CFTR: variants seen among roughly 807,000 people sequenced by gnomAD.
CFTR encodes the protein CF transmembrane conductance regulator.
In CFTR, 181 loss-of-function variants were observed where a neutral mutation model predicts 171.6. The ratio of observed to expected loss-of-function variants is 1.05; its 90% CI spans 0.93 to 1.19. The LOEUF (loss-of-function observed/expected upper bound fraction) is 1.19. Among genes scored for constraint, CFTR ranks in the 50% most tolerant of loss-of-function variants. The probability of loss-of-function intolerance (pLI) is 0.00; values close to 1 mark genes in which losing one functional copy is unlikely to be tolerated. For missense variants in CFTR, 1,968 were observed against 1,734.7 expected (o/e 1.13, Z -2.39); for synonymous variants, 583 against 608.0 (o/e 0.96, Z 0.60).
intron 10 of CFTR, among the ~76,000 whole-genome samples, chr7:117,555,158 A>G (rs1799331606): frequency 6.6e-6 from 1 of 152,326 alleles, no homozygotes; most frequent in South Asian, 2.1e-4. Flanking sequence ...AAGATATGCC[A>G]TGAATGCATA....
chr7:117,537,880 T>C (rs926025189), intron 7 of CFTR, among the ~76,000 whole-genome samples: 1 of 152,182 alleles, frequency 6.6e-6, no homozygotes, highest in African/African-American at 2.4e-5. Context: ...ACACTTGCTC[T>C]CTGCATTACT....
In CFTR at chr7:117,592,133, G is replaced by C. The variant is rs397508323; in HGVS notation, c.1966G>C (p.Glu656Gln). 2 of 1,614,002 alleles carry C rather than the reference G, an allele frequency of 1.2e-6. No homozygotes were observed. Among genetic ancestry groups the C allele is most frequent in the East Asian group, 4.5e-5 (2 of 44,872 alleles). ...GCDSFDQFSAERRNSILTETL... is the reference protein window; with the variant it reads ...GCDSFDQFSAQRRNSILTETL... ...TGATTCTTTCGACCAATTTAGTGCAGAAAGAAGAAATTCAATCCTAACTGA... is the reference window on the plus strand; with the variant it reads ...TGATTCTTTCGACCAATTTAGTGCACAAAGAAGAAATTCAATCCTAACTGA... The change falls in exon 14 of 27, where the codon GAA becomes CAA. Residue 656 changes from glutamate to glutamine, a missense_variant. Coordinates refer to ENST00000003084, the MANE Select transcript of CFTR (RefSeq NM_000492.4).
intron 8 of CFTR, among the ~76,000 whole-genome samples, chr7:117,541,614 C>A (rs1016026746): frequency 1.3e-5 from 2 of 151,298 alleles, no homozygotes; most frequent in African/African-American, 4.9e-5. Flanking sequence ...TAATGAGGCC[C>A]TTAATAAGGA....
intron 10 of CFTR, among the ~76,000 whole-genome samples, chr7:117,550,499 T>A (rs1009702367): frequency 6.6e-6 from 1 of 152,182 alleles, no homozygotes; most frequent in Non-Finnish European, 1.5e-5. Context: ...TTCTTTTATA[T>A]CTTGTATATT....
chr7:117,507,897 A>G (rs547132300), intron 2 of CFTR, among the ~76,000 whole-genome samples: 6 of 152,090 alleles, frequency 3.9e-5, no homozygotes, highest in Non-Finnish European at 7.4e-5. Flanking sequence ...GTTCAAGCGA[A>G]TCTCAGTCTC....
chr7:117,519,332 G>A (rs1489499520), intron 3 of CFTR, among the ~76,000 whole-genome samples: 7 of 151,922 alleles, frequency 4.6e-5, no homozygotes, highest in Non-Finnish European at 1.0e-4. Flanking sequence ...ATTTGTATGA[G>A]CCCAAAAACT....
chr7:117,576,032 A>G (rs898151849), intron 11 of CFTR, among the ~76,000 whole-genome samples: 1 of 152,034 alleles, frequency 6.6e-6, no homozygotes, highest in African/African-American at 2.4e-5. Flanking sequence ...ATATTGCCAA[A>G]AGTTTGAAAG....
At chr7:117,663,511 A>T (rs992823463) in intron 24 of CFTR, among the ~76,000 whole-genome samples, 3 of 50,970 alleles carry the variant, frequency 5.9e-5, no homozygotes, top group African/African-American at 4.0e-4. Context: ...TGTCCAGCTA[A>T]AAAAAAAAAA....
At chr7:117,587,908 C>A in intron 12 of CFTR, 75 bp downstream of exon 12, 1 of 905,216 alleles carries the variant, frequency 1.1e-6, no homozygotes, top group Admixed American at 1.8e-5. Flanking sequence ...AGACATTTCT[C>A]TATTGCTTTA....
chr7:117,628,876 G>A (rs1438530354), intron 22 of CFTR, among the ~76,000 whole-genome samples: 2 of 151,892 alleles, frequency 1.3e-5, no homozygotes, highest in African/African-American at 4.8e-5. Context: ...TCCTGGGGTC[G>A]CCAAGATGAA....
intron 1 of CFTR, among the ~76,000 whole-genome samples, chr7:117,496,738 G>C (rs1040657845): frequency 6.6e-6 from 1 of 152,030 alleles, no homozygotes; most frequent in Non-Finnish European, 1.5e-5. Flanking sequence ...TTAATATTTT[G>C]AGGATTTTTC....
At chr7:117,541,974 A>G (rs1799059617) in intron 8 of CFTR, 42 bp from the exon 9 acceptor site, 7 of 950,302 alleles carry the variant, frequency 7.4e-6, no homozygotes, top group Non-Finnish European at 1.2e-5. Flanking sequence ...CATTAATGCT[A>G]TTCTGATTCT....
chr7:117,635,556 G>A (rs2116148594), intron 22 of CFTR, among the ~76,000 whole-genome samples: 1 of 151,792 alleles, frequency 6.6e-6, no homozygotes, highest in Admixed American at 6.6e-5. Context: ...TTTCCATTGT[G>A]GTTTTAATCG....
At chr7:117,597,472 T>C (rs1299444938) in intron 15 of CFTR, among the ~76,000 whole-genome samples, 1 of 152,116 alleles carries the variant, frequency 6.6e-6, no homozygotes, top group Admixed American at 6.5e-5. Context: ...GGGCCACACA[T>C]AAAATACACT....
At chr7:117,563,790 A>G (rs908620774) in intron 11 of CFTR, among the ~76,000 whole-genome samples, 1 of 152,194 alleles carries the variant, frequency 6.6e-6, no homozygotes, top group African/African-American at 2.4e-5. Context: ...CTAAGTGTCA[A>G]ATAAAACATT....
chr7:117,587,625 A>C, intron 11 of CFTR, 114 bp from the exon 12 acceptor site: 1 of 671,742 alleles, frequency 1.5e-6, no homozygotes, highest in Non-Finnish European at 2.7e-6. Context: ...CAAAATTTCA[A>C]CTGTGGTTAA....
Position 117,667,159 on chromosome 7 carries a change from G to T in CFTR, c.*51G>T. 6.6e-7 allele frequency: 1 copy of T among 1,514,112 alleles called. No homozygotes were observed. Among genetic ancestry groups the T allele is most frequent in the Non-Finnish European group, 9.1e-7 (1 of 1,094,468 alleles). The allele number at this position is 1,514,112 out of a possible 1,614,324, so 93.8% of individuals were successfully genotyped here. On this transcript the variant is annotated 3_prime_UTR_variant, in exon 27 of 27. Coordinates refer to ENST00000003084, the MANE Select transcript of CFTR (RefSeq NM_000492.4). ...ACATTTGCTCATGGAATTGGAGCTCGTGGGACAGTCACCTCATGGAATTGG... is the reference window on the plus strand; with the variant it reads ...ACATTTGCTCATGGAATTGGAGCTCTTGGGACAGTCACCTCATGGAATTGG...
chr7:117,661,064 A>G (rs1490391656), intron 24 of CFTR, among the ~76,000 whole-genome samples: 2 of 152,228 alleles, frequency 1.3e-5, no homozygotes, highest in Non-Finnish European at 1.5e-5. Context: ...ATAACTTTGT[A>G]CTTTTCAAAA....
chr7:117,488,727 A>G (rs993812210), intron 1 of CFTR, among the ~76,000 whole-genome samples: 2 of 152,130 alleles, frequency 1.3e-5, no homozygotes, highest in African/African-American at 4.8e-5. Flanking sequence ...ATAAATACAA[A>G]GAAACAGTTA....
Sources: allele counts gnomAD v4.1 joint callset (sites outside exome capture counted in the v4.1 genomes callset), GRCh38; gene constraint gnomAD v4.1.1; transcripts MANE v1.5; gene names NCBI Gene and HGNC (gene_info 2026-07-23, HGNC 2026-07-21).